INSIG1: variants seen among roughly 807,000 people sequenced by gnomAD.
The protein encoded by INSIG1 is insulin induced gene 1, also known as insulin-induced gene 1 protein.
Under a neutral mutation model 26.5 loss-of-function variants are expected in INSIG1, and 14 were observed. That is an observed-to-expected ratio of 0.53 (90% confidence interval 0.35 to 0.83). INSIG1 has a LOEUF of 0.83. Among genes scored for constraint, INSIG1 ranks in the 40% least tolerant of loss-of-function variants. The pLI is 0.01. For synonymous variants in INSIG1, 147 were observed against 153.3 expected (o/e 0.96, Z 0.30); for missense variants, 272 against 368.9 (o/e 0.74, Z 2.15).
rs1317729320 is a variant in INSIG1 at position 155,308,478 on chromosome 7, A to G, written c.*208A>G. The G allele has an allele frequency of 4.6e-6, 3 of 647,102 alleles. No individual in the cohort carries two copies. The East Asian group carries it at 7.6e-5, about 16-fold the overall frequency. 40.1% of individuals were successfully genotyped at this position (647,102 alleles called of 1,614,324 possible). A position where few individuals can be genotyped will look rare whatever the true frequency, so the allele number is the denominator to read the frequency against. The stretch of plus-strand genomic sequence containing the variant: ...CTGAAGTCTTCCCTTGACTGCCCGC[A>G]CTGGCGCCTGTCTGTGCCCTGGAGC... On this transcript the variant is annotated 3_prime_UTR_variant, in exon 6 of 6. Transcript: ENST00000340368.
chr7:155,302,124 A>G lies in INSIG1; in HGVS notation c.538-127A>G, dbSNP rs1280795485. The G allele has an allele frequency of 1.1e-5, 7 of 655,310 alleles. No individual in the cohort carries two copies. The highest frequency in any genetic ancestry group is 1.9e-5 in the African/African-American group (1 of 53,084). The allele number at this position is 655,310 out of a possible 1,614,324, so 40.6% of individuals were successfully genotyped here. On this transcript the variant is annotated intron_variant, in intron 3 of 5. Coordinates refer to ENST00000340368, the MANE Select transcript of INSIG1 (RefSeq NM_005542.6). The surrounding 1 kb of genome is among the most constrained non-coding windows in gnomAD (Gnocchi z 4.3). Reference sequence around the variant, plus strand: ...AAATCCTTTCTTTAGCTTATTACACAGTTTTTATGGACAGTGAATTATCTG... The same window carrying G: ...AAATCCTTTCTTTAGCTTATTACACGGTTTTTATGGACAGTGAATTATCTG...
intron 5 of INSIG1, among the ~76,000 whole-genome samples, chr7:155,303,308 C>A (rs902241180): frequency 1.3e-5 from 2 of 152,220 alleles, no homozygotes; most frequent in Admixed American, 1.3e-4. Context: ...CACAGTCAAG[C>A]AAATCGAGCC....
chr7:155,301,748 G>T (rs142071490), intron 3 of INSIG1, 58 bp downstream of exon 3: 167 of 1,413,524 alleles, frequency 1.2e-4, no homozygotes, highest in Non-Finnish European at 1.5e-4. Flanking sequence ...ATATTGAAGC[G>T]TTTTGTTTTG....
intron 5 of INSIG1, among the ~76,000 whole-genome samples, chr7:155,304,602 G>A (rs1161008052): frequency 1.3e-5 from 2 of 152,202 alleles, no homozygotes; most frequent in Non-Finnish European, 2.9e-5. Context: ...GGTGGAGGTA[G>A]AAATTTCACA....
chr7:155,299,011 A>T (rs893294748), intron 2 of INSIG1, among the ~76,000 whole-genome samples: 1 of 152,234 alleles, frequency 6.6e-6, no homozygotes, highest in African/African-American at 2.4e-5. Context: ...GTCCGGGTAC[A>T]GCCCCAGCTG....
At chr7:155,301,808 C>T (rs937570399) in intron 3 of INSIG1, 118 bp downstream of exon 3, 1 of 929,336 alleles carries the variant, frequency 1.1e-6, no homozygotes, top group Admixed American at 3.1e-5. Flanking sequence ...ATGGTGGTAC[C>T]TACCCATTTC....
chr7:155,303,380 C>G (rs1481369499), intron 5 of INSIG1, among the ~76,000 whole-genome samples: 6 of 152,212 alleles, frequency 3.9e-5, no homozygotes, highest in African/African-American at 1.4e-4. Flanking sequence ...AAGGGGACAG[C>G]CTGGTTCAGG....
At position 155,297,908 on chromosome 7, in the gene INSIG1, C is replaced by A. The variant is rs542521286; in HGVS notation, c.-79C>A. Reference sequence around the variant, plus strand: ...CGTCCCGGGCCGTGACTCCTCCTTTCCCCCGCCCCGCCTCCGTTCGGAGAG... The same window carrying A: ...CGTCCCGGGCCGTGACTCCTCCTTTACCCCGCCCCGCCTCCGTTCGGAGAG... On this transcript the variant is annotated 5_prime_UTR_variant, in exon 1 of 6. Coordinates refer to ENST00000340368, the MANE Select transcript of INSIG1 (RefSeq NM_005542.6). 15 of 164,618 alleles carry A rather than the reference C, an allele frequency of 9.1e-5. No individual in the cohort carries two copies. Among genetic ancestry groups the A allele is most frequent in the African/African-American group, 3.6e-4 (15 of 41,988 alleles). The allele number at this position is 164,618 out of a possible 1,614,324, so 10.2% of individuals were successfully genotyped here. A position where few individuals can be genotyped will look rare whatever the true frequency, so the allele number is the denominator to read the frequency against.
chr7:155,303,136 C>T, intron 5 of INSIG1: 1 of 286,400 alleles, frequency 3.5e-6, no homozygotes, highest in Non-Finnish European at 6.8e-6. Context: ...CTGTAGTAAG[C>T]AGTAGAGAAA....
In INSIG1 at chr7:155,302,204, ATC is replaced by A. The variant is rs1797808405; in HGVS notation, c.538-45_538-44del. ...AACCCTTGTGGTTTTACGTTTTTTTATCTTAATAAGAGTCAGCAAACTTTTCC... is the reference window on the plus strand; with the variant it reads ...AACCCTTGTGGTTTTACGTTTTTTTATTAATAAGAGTCAGCAAACTTTTCC... On this transcript the variant is annotated intron_variant, in intron 3 of 5. Coordinates refer to ENST00000340368, the MANE Select transcript of INSIG1 (RefSeq NM_005542.6). This position sits in a 1 kb window ranked among gnomAD's most constrained non-coding sequence, Gnocchi z 4.3. 1.4e-6 allele frequency: 2 copies of A among 1,467,632 alleles called. No homozygotes were observed. Among genetic ancestry groups the A allele is most frequent in the Non-Finnish European group, 1.8e-6 (2 of 1,097,206 alleles). The allele number at this position is 1,467,632 out of a possible 1,614,324, so 90.9% of individuals were successfully genotyped here.
Position 155,308,379 on chromosome 7 carries a change from TGACTGTAC to T in INSIG1, c.*110_*117del. ...CTTAAGTAATCTATTTAGATCGGGC[TGACTGTAC>T]AAATGACTCCTGGAAAAAACTCTTC... On this transcript the variant is annotated 3_prime_UTR_variant, in exon 6 of 6. Coordinates refer to ENST00000340368, the MANE Select transcript of INSIG1 (RefSeq NM_005542.6). The T allele has an allele frequency of 1.5e-6, 2 of 1,318,252 alleles. No homozygotes were observed. Among genetic ancestry groups the T allele is most frequent in the Non-Finnish European group, 2.2e-6 (2 of 912,454 alleles). The allele number at this position is 1,318,252 out of a possible 1,614,324, so 81.7% of individuals were successfully genotyped here.
At chr7:155,301,957 TAATA>T (rs1260790648) in intron 3 of INSIG1, among the ~76,000 whole-genome samples, 8 of 143,646 alleles carry the variant, frequency 5.6e-5, no homozygotes, top group African/African-American at 1.0e-4. Context: ...ATAATATATA[TAATA>T]AATATATATT....
chr7:155,303,028 AT>A (rs1797832033), intron 5 of INSIG1, 182 bp downstream of exon 5: 3 of 493,372 alleles, frequency 6.1e-6, no homozygotes, highest in African/African-American at 3.8e-5. Context: ...TTGCTAAATT[AT>A]AAAAATTCAT....
rs970451698 is a variant in INSIG1 at position 155,302,025 on chromosome 7, T to C, written c.538-226T>C. Among the ~76,000 whole-genome samples the C allele has an allele frequency of 6.7e-6, 1 of 150,134 alleles. No homozygotes were observed. The highest frequency in any genetic ancestry group is 2.4e-5 in the African/African-American group (1 of 40,874). On this transcript the variant is annotated intron_variant, in intron 3 of 5. Coordinates refer to ENST00000340368, the MANE Select transcript of INSIG1 (RefSeq NM_005542.6). The surrounding 1 kb of genome is among the most constrained non-coding windows in gnomAD (Gnocchi z 4.3). ...ATAGCTTTCAGCAAGTTTATTCTTA[T>C]GGTTAAGTTTTTGACTCAGTGATGG...
rs1129898 is a variant in INSIG1, at chr7:155,309,352, T to C, written c.*1082T>C. The stretch of plus-strand genomic sequence containing the variant: ...TGTATCTCTTAAATATTTATTTTTT[T>C]TAACGTGTGAGATGTTCGAGAGAAG... On this transcript the variant is annotated 3_prime_UTR_variant, in exon 6 of 6. Transcript: ENST00000340368. 6.6e-6 allele frequency: 1 copy of C among 152,636 alleles called. No individual in the cohort carries two copies. The highest frequency in any genetic ancestry group is 1.5e-5 in the Non-Finnish European group (1 of 68,042). The allele number at this position is 152,636 out of a possible 1,614,324, so 9.5% of individuals were successfully genotyped here.
chr7:155,303,959 G>A, intron 5 of INSIG1: 9 of 665,960 alleles, frequency 1.4e-5, no homozygotes, highest in Admixed American at 5.6e-5. Context: ...TGATGGAGAA[G>A]AAAGGACTTT....
In INSIG1 at chr7:155,309,896, T is replaced by C. The variant is rs933730463; in HGVS notation, c.*1626T>C. On this transcript the variant is annotated 3_prime_UTR_variant, in exon 6 of 6. Transcript: ENST00000340368. The stretch of plus-strand genomic sequence containing the variant: ...TTCCAATGAAGATGTCAGCATTTTA[T>C]GAAAAACCAGAAGTTATTAGATGAA... 2.0e-5 allele frequency: 3 copies of C among 152,686 alleles called. No individual in the cohort carries two copies. The highest frequency in any genetic ancestry group is 7.2e-5 in the African/African-American group (3 of 41,476). 9.5% of individuals were successfully genotyped at this position (152,686 alleles called of 1,614,324 possible). A position where few individuals can be genotyped will look rare whatever the true frequency, so the allele number is the denominator to read the frequency against.
rs1483367491 is a variant in INSIG1, at chr7:155,310,062, T to C, written c.*1792T>C. 1 of 152,640 alleles carries C rather than the reference T, an allele frequency of 6.6e-6. No individual in the cohort carries two copies. The highest frequency in any genetic ancestry group is 2.4e-5 in the African/African-American group (1 of 41,456). The allele number at this position is 152,640 out of a possible 1,614,324, so 9.5% of individuals were successfully genotyped here. Reference sequence around the variant, plus strand: ...TTTGAGGATTTTTTTGCCAATAGTTTATAGAAAATATATGAACCAAAGTGA... The same window carrying C: ...TTTGAGGATTTTTTTGCCAATAGTTCATAGAAAATATATGAACCAAAGTGA... On this transcript the variant is annotated 3_prime_UTR_variant, in exon 6 of 6. Coordinates refer to ENST00000340368, the MANE Select transcript of INSIG1 (RefSeq NM_005542.6).
At chr7:155,303,059 GA>G in intron 5 of INSIG1, 1 of 439,930 alleles carries the variant, frequency 2.3e-6, no homozygotes, top group Non-Finnish European at 4.1e-6. Flanking sequence ...TCTAGAAAAG[GA>G]ACTAGAGCCC....
Sources: gnomAD v4.1 joint callset for allele counts (sites outside exome capture counted in the v4.1 genomes callset) on GRCh38, gnomAD v4.1.1 for gene constraint, Gnocchi (gnomAD v3.1) non-coding constraint, MANE v1.5 for transcripts, NCBI Gene and HGNC (gene_info 2026-07-23, HGNC 2026-07-21) for gene names.